Variants in NR5A1 observed in about 807,000 individuals in gnomAD.
NR5A1 encodes the protein nuclear receptor subfamily 5 group A member 1.
In NR5A1, 6 loss-of-function variants were observed where a neutral mutation model predicts 42.7. That is an observed-to-expected ratio of 0.14 (90% confidence interval 0.08 to 0.28). The LOEUF (loss-of-function observed/expected upper bound fraction) is 0.28. NR5A1 is among the 10% of genes least tolerant of loss of function. The pLI, the probability that NR5A1 is intolerant of heterozygous loss-of-function variation, is 1.00. For synonymous variants in NR5A1, 274 were observed against 277.5 expected, an observed-to-expected ratio of 0.99 and a Z score of 0.12; for missense variants, 442 against 626.4, an observed-to-expected ratio of 0.71 and a Z score of 3.14.
Position 124,500,836 on chromosome 9 carries a change from C to A in NR5A1, c.245-121G>T. On this transcript the variant is annotated intron_variant, in intron 3 of 6. Coordinates refer to ENST00000373588, the MANE Select transcript of NR5A1 (RefSeq NM_004959.5). The surrounding 1 kb of genome is among the most constrained non-coding windows in gnomAD (Gnocchi z 6.9). ...TCCCCTGCTCAACACCCTTTCATGG[C>A]TCCCACTGACCACAGGGGAAGTCAG... is the stretch of plus-strand genomic sequence containing the variant. 6.8e-7 allele frequency: 1 copy of A among 1,471,908 alleles called. No homozygotes were observed. The highest frequency in any genetic ancestry group is 9.4e-7 in the Non-Finnish European group (1 of 1,060,638). The allele number at this position is 1,471,908 out of a possible 1,614,324, so 91.2% of individuals were successfully genotyped here. A position where few individuals can be genotyped will look rare whatever the true frequency, so the allele number is the denominator to read the frequency against.
intron 6 of NR5A1, 82 bp downstream of exon 6, chr9:124,490,999 G>A (rs1337374974): frequency 6.6e-7 from 1 of 1,520,428 alleles, no homozygotes; most frequent in East Asian, 2.5e-5. Flanking sequence ...GCCACAGCAG[G>A]GCTACCTCTC....
intron 4 of NR5A1, among the ~76,000 whole-genome samples, chr9:124,497,273 C>G (rs947500966): frequency 2.0e-5 from 3 of 152,192 alleles, no homozygotes; most frequent in Admixed American, 6.5e-5. Context: ...GAAACTGAGG[C>G]CCGGAGGAGT....
At chr9:124,483,898 T>C (rs1832168053) in intron 6 of NR5A1, among the ~76,000 whole-genome samples, 1 of 152,120 alleles carries the variant, frequency 6.6e-6, no homozygotes, top group East Asian at 1.9e-4. Context: ...CATGGGGCCA[T>C]GGGGGAGCAT....
In NR5A1 at chr9:124,503,504, C is replaced by T. The variant is rs1164349279; in HGVS notation, c.-15-94G>A. 2.9e-6 allele frequency: 3 copies of T among 1,021,734 alleles called. No homozygotes were observed. The highest frequency in any genetic ancestry group is 1.7e-5 in the African/African-American group (1 of 59,252). The allele number at this position is 1,021,734 out of a possible 1,614,324, so 63.3% of individuals were successfully genotyped here. ...CCCAGCCGCTGTCGCCGGCCCGTCG[C>T]GTAATCCCCTCTCTGTGCCCAGGCG... On this transcript the variant is annotated intron_variant, in intron 1 of 6. Coordinates refer to ENST00000373588, the MANE Select transcript of NR5A1 (RefSeq NM_004959.5). This position sits in a 1 kb window ranked among gnomAD's most constrained non-coding sequence, Gnocchi z 9.6.
intron 4 of NR5A1, among the ~76,000 whole-genome samples, chr9:124,494,800 C>T (rs568113758): frequency 2.0e-5 from 3 of 152,188 alleles, no homozygotes; most frequent in African/African-American, 7.2e-5. Context: ...AGGGCCACTC[C>T]CCACCTGGGG....
chr9:124,500,853 G>A lies in NR5A1; in HGVS notation c.245-138C>T. ...TTTCATGGCTCCCACTGACCACAGG[G>A]GAAGTCAGTCTCCTTTGCCTGGCAT... On this transcript the variant is annotated intron_variant, in intron 3 of 6. Transcript: ENST00000373588. This position sits in a 1 kb window ranked among gnomAD's most constrained non-coding sequence, Gnocchi z 6.9. The A allele has an allele frequency of 1.5e-6, 2 of 1,368,658 alleles. No homozygotes were observed. The highest frequency in any genetic ancestry group is 2.1e-6 in the Non-Finnish European group (2 of 973,052). 84.8% of individuals were successfully genotyped at this position (1,368,658 alleles called of 1,614,324 possible). A position where few individuals can be genotyped will look rare whatever the true frequency, so the allele number is the denominator to read the frequency against.
rs1302736657 is a variant in NR5A1 at position 124,498,476 on chromosome 9, C to T, written c.870+1614G>A. On this transcript the variant is annotated intron_variant, in intron 4 of 6. Transcript: ENST00000373588. This position sits in a 1 kb window ranked among gnomAD's most constrained non-coding sequence, Gnocchi z 4.6. ...CCTTCCCATCCTGCGTGAAAATCCC[C>T]GGGAGACTAGGAAGGCAGCCAGAGG... 6.6e-6 allele frequency among the ~76,000 whole-genome samples: 1 copy of T among 152,196 alleles called. No homozygotes were observed. The highest frequency in any genetic ancestry group is 1.9e-4 in the East Asian group (1 of 5,190).
At chr9:124,504,073 GAA>G in intron 1 of NR5A1, among the ~76,000 whole-genome samples, 1 of 150,372 alleles carries the variant, frequency 6.7e-6, no homozygotes, top group African/African-American at 2.5e-5. Flanking sequence ...GAGAGAGAGA[GAA>G]ACGAGGGGTG....
Position 124,500,365 on chromosome 9 carries a change from C to G in NR5A1, c.595G>C (p.Glu199Gln). ...GGCTGTGGGGGGCTGGCATAAGGCT[C>G]CGGGTACTCAGACTTGATGGCACGG... Reference protein sequence around the residue: ...PGRAIKSEYPEPYASPPQPGL... With the variant: ...PGRAIKSEYPQPYASPPQPGL... The change falls in exon 4 of 7, where the codon GAG becomes CAG. Residue 199 changes from glutamate (E) to glutamine (Q), a missense_variant. By Grantham distance (29) the Glu-to-Gln change is conservative. Coordinates refer to ENST00000373588, the MANE Select transcript of NR5A1 (RefSeq NM_004959.5). This position sits in a 1 kb window ranked among gnomAD's most constrained non-coding sequence, Gnocchi z 6.9. 6.4e-7 allele frequency: 1 copy of G among 1,556,448 alleles called. No individual in the cohort carries two copies. The highest frequency in any genetic ancestry group is 8.7e-7 in the Non-Finnish European group (1 of 1,150,486).
At position 124,482,705 on chromosome 9, in the gene NR5A1, C is replaced by CA; in HGVS notation, c.*52dup. ...CCAGCGGTGTGGCTGCGGCCCCGCC[C>CA]AGGCCCCGCCCCCAGTCCCGCCCCC... On this transcript the variant is annotated 3_prime_UTR_variant, in exon 7 of 7. Coordinates refer to ENST00000373588, the MANE Select transcript of NR5A1 (RefSeq NM_004959.5). The CA allele has an allele frequency of 2.2e-4, 139 of 632,974 alleles. No homozygotes were observed. Among genetic ancestry groups the CA allele is most frequent in the South Asian group, 5.1e-4 (33 of 64,248 alleles). The allele number at this position is 632,974 out of a possible 1,614,324, so 39.2% of individuals were successfully genotyped here.
intron 6 of NR5A1, among the ~76,000 whole-genome samples, chr9:124,485,589 C>T (rs1832195861): frequency 6.6e-6 from 1 of 152,228 alleles, no homozygotes; most frequent in African/African-American, 2.4e-5. Context: ...CTTTCTTCCT[C>T]ACTTCCCCAG....
In NR5A1 at chr9:124,500,483, C is replaced by T. The variant is rs1832451024; in HGVS notation, c.477G>A (p.Gly159=). ...PKGLAAGPPA[G]PLGDFGAPAL... ...CTGGGGCCCCAAAGTCGCCCAGTGGCCCAGCAGGTGGACCGGCGGCCAGGC... is the reference window on the plus strand; with the variant it reads ...CTGGGGCCCCAAAGTCGCCCAGTGGTCCAGCAGGTGGACCGGCGGCCAGGC... The change falls in exon 4 of 7, where the codon GGG becomes GGA. Residue 159 remains glycine, a synonymous_variant. Coordinates refer to ENST00000373588, the MANE Select transcript of NR5A1 (RefSeq NM_004959.5). The surrounding 1 kb of genome is among the most constrained non-coding windows in gnomAD (Gnocchi z 6.9). The T allele has an allele frequency of 1.2e-6, 2 of 1,601,200 alleles. No individual in the cohort carries two copies. Among genetic ancestry groups the T allele is most frequent in the South Asian group, 2.2e-5 (2 of 90,280 alleles).
chr9:124,504,722 C>T (rs1479844126), intron 1 of NR5A1, among the ~76,000 whole-genome samples: 2 of 147,330 alleles, frequency 1.4e-5, no homozygotes, highest in African/African-American at 4.9e-5. Context: ...CCCGCCCGCG[C>T]GGAGCCCGCA....
intron 6 of NR5A1, among the ~76,000 whole-genome samples, chr9:124,483,974 C>T (rs1832169798): frequency 6.6e-6 from 1 of 152,214 alleles, no homozygotes; most frequent in Admixed American, 6.5e-5. Context: ...CTGAAAATAT[C>T]GTAAGTCAGA....
Position 124,500,552 on chromosome 9 carries a change from C to T in NR5A1, c.408G>A (p.Pro136=), listed in dbSNP as rs758412695. The T allele has an allele frequency of 2.4e-5, 38 of 1,610,282 alleles. No individual in the cohort carries two copies. Among genetic ancestry groups the T allele is most frequent in the East Asian group, 1.1e-4 (5 of 44,870 alleles). The change falls in exon 4 of 7, where the codon CCG becomes CCA. Residue 136 remains proline, a synonymous_variant. Transcript: ENST00000373588. The surrounding 1 kb of genome is among the most constrained non-coding windows in gnomAD (Gnocchi z 6.9). The part of the protein sequence containing the change: ...MGVPPPPPPA[P]DYVLPPSLHG... ...GCAGGCTGGGAGGCAGCACGTAGTC[C>T]GGTGCGGGAGGGGGCGGCGGGGGCA...
chr9:124,485,047 C>T (rs1832187390), intron 6 of NR5A1, among the ~76,000 whole-genome samples: 1 of 152,158 alleles, frequency 6.6e-6, no homozygotes, highest in South Asian at 2.1e-4. Flanking sequence ...CCTGCCCCGC[C>T]CCGACTTGAC....
intron 4 of NR5A1, among the ~76,000 whole-genome samples, chr9:124,495,177 C>T (rs1832371778): frequency 6.6e-6 from 1 of 152,178 alleles, no homozygotes; most frequent in African/African-American, 2.4e-5. Flanking sequence ...AGAGCCCCTA[C>T]CATCAGCCGT....
At chr9:124,492,004 A>G (rs889613160) in intron 5 of NR5A1, among the ~76,000 whole-genome samples, 2 of 152,016 alleles carry the variant, frequency 1.3e-5, no homozygotes, top group East Asian at 1.9e-4. Context: ...GGGAGCCCCA[A>G]AGACACCCCC....
At position 124,482,376 on chromosome 9, in the gene NR5A1, G is replaced by T; in HGVS notation, c.*382C>A. The T allele has an allele frequency of 3.0e-6, 1 of 332,256 alleles. No individual in the cohort carries two copies. Among genetic ancestry groups the T allele is most frequent in the Non-Finnish European group, 5.9e-6 (1 of 170,228 alleles). The allele number at this position is 332,256 out of a possible 1,614,324, so 20.6% of individuals were successfully genotyped here. A position where few individuals can be genotyped will look rare whatever the true frequency, so the allele number is the denominator to read the frequency against. On this transcript the variant is annotated 3_prime_UTR_variant, in exon 7 of 7. Coordinates refer to ENST00000373588, the MANE Select transcript of NR5A1 (RefSeq NM_004959.5). The stretch of plus-strand genomic sequence containing the variant: ...GTCTGTTTCCAGGAGAGGAGGAAGG[G>T]ATGACCTCTGATCCAAGGGACGTCG...
Sources: gnomAD v4.1 joint callset for allele counts (sites outside exome capture counted in the v4.1 genomes callset) on GRCh38, gnomAD v4.1.1 for gene constraint, Gnocchi (gnomAD v3.1) non-coding constraint, MANE v1.5 for transcripts, NCBI Gene and HGNC (gene_info 2026-07-23, HGNC 2026-07-21) for gene names.